Variants in BMERB1 observed in about 807,000 individuals in gnomAD.
The protein encoded by BMERB1 is bMERB domain-containing protein 1.
A neutral mutation model predicts 23.6 loss-of-function variants in BMERB1; 12 were observed. The observed-to-expected ratio is 0.51, with a 90% CI of 0.33 to 0.82. The LOEUF is 0.82. BMERB1 is among the 40% of genes least tolerant of loss of function. The pLI is 0.03. For synonymous variants in BMERB1, 122 were observed against 96.6 expected, an observed-to-expected ratio of 1.26 and a Z score of -1.54; for missense variants, 247 against 255.4, an observed-to-expected ratio of 0.97 and a Z score of 0.22.
intron 3 of BMERB1, among the ~76,000 whole-genome samples, chr16:15,572,556 G>A (rs1198281417): frequency 3.0e-4 from 45 of 152,234 alleles, no homozygotes; most frequent in Admixed American, 2.9e-3. Flanking sequence ...TGCATGGTAT[G>A]TGAATCATAT....
In BMERB1 at chr16:15,533,311, C is replaced by T. The variant is rs114479155; in HGVS notation, c.230+17883C>T. Among the ~76,000 whole-genome samples, 558 of 151,760 alleles carry T rather than the reference C, an allele frequency of 3.7e-3. 1 individual carries two copies. Among genetic ancestry groups the T allele is most frequent in the African/African-American group, 0.013 (527 of 41,342 alleles). ...CTTTTCCATGTCAAGGTTGTTGAAA[C>T]GACGAGAGAAGTCTCAAGGGGCACC... On this transcript the variant is annotated intron_variant, in intron 2 of 5. Coordinates refer to ENST00000300006, the MANE Select transcript of BMERB1 (RefSeq NM_033201.3).
intron 3 of BMERB1, among the ~76,000 whole-genome samples, 192 bp downstream of exon 3, chr16:15,568,248 G>A (rs566737773): frequency 3.3e-5 from 5 of 152,332 alleles, no homozygotes; most frequent in African/African-American, 1.2e-4. Flanking sequence ...TCACCTTCTT[G>A]TCCTTGGACA....
chr16:15,572,978 G>A (rs2030767818), intron 3 of BMERB1, among the ~76,000 whole-genome samples: 1 of 152,142 alleles, frequency 6.6e-6, no homozygotes, highest in South Asian at 2.1e-4. Context: ...CTTCTGCCGT[G>A]ATTGTGAGGC....
chr16:15,544,960 ATTTTC>A (rs1192554587), intron 2 of BMERB1, among the ~76,000 whole-genome samples: 6 of 150,764 alleles, frequency 4.0e-5, no homozygotes, highest in Non-Finnish European at 7.4e-5. Flanking sequence ...ACAAGCCCAA[ATTTTC>A]TTTTCTTTTC....
chr16:15,583,595 A>C (rs1182890688), intron 5 of BMERB1, among the ~76,000 whole-genome samples: 12 of 151,686 alleles, frequency 7.9e-5, no homozygotes, highest in Admixed American at 7.9e-4. Context: ...AAAAAAAAAA[A>C]AAAGGCCATT....
At chr16:15,576,093 C>T (rs1005154776) in intron 3 of BMERB1, among the ~76,000 whole-genome samples, 62 of 148,272 alleles carry the variant, frequency 4.2e-4, no homozygotes, top group African/African-American at 1.5e-3. Context: ...GGCTGGAGTG[C>T]AGTGGCGAGA....
intron 2 of BMERB1, among the ~76,000 whole-genome samples, chr16:15,520,228 G>C (rs2051833533): frequency 6.6e-6 from 1 of 152,114 alleles, no homozygotes; most frequent in Admixed American, 6.5e-5. Context: ...TGTCTCGTGG[G>C]GGCAGAGCCC....
At position 15,587,595 on chromosome 16, in the gene BMERB1, C is replaced by CA. The variant is rs1385370161; in HGVS notation, c.*767dup. ...GGAAGCTCTGATGTCAAGGCCAGAG[C>CA]AGTTGAGAATGGGACCCAGAGTAGA... On this transcript the variant is annotated 3_prime_UTR_variant, in exon 6 of 6. Coordinates refer to ENST00000300006, the MANE Select transcript of BMERB1 (RefSeq NM_033201.3). 8.9e-6 allele frequency: 4 copies of CA among 449,592 alleles called. No homozygotes were observed. The highest frequency in any genetic ancestry group is 1.8e-5 in the Non-Finnish European group (4 of 222,414). 27.9% of individuals were successfully genotyped at this position (449,592 alleles called of 1,614,324 possible). A position where few individuals can be genotyped will look rare whatever the true frequency, so the allele number is the denominator to read the frequency against.
intron 1 of BMERB1, among the ~76,000 whole-genome samples, chr16:15,457,984 G>C (rs184478369): frequency 3.9e-5 from 6 of 152,100 alleles, no homozygotes; most frequent in Non-Finnish European, 7.4e-5. Flanking sequence ...CAGGTCTCTC[G>C]AGAATTCACT....
intron 1 of BMERB1, chr16:15,447,957 A>G (rs879580306): frequency 4.4e-6 from 2 of 454,310 alleles, no homozygotes; most frequent in Non-Finnish European, 8.8e-6. Context: ...TGGCGTGATC[A>G]CGGCTCACTT....
chr16:15,567,857 A>T, intron 2 of BMERB1, 126 bp from the exon 3 acceptor site: 1 of 749,058 alleles, frequency 1.3e-6, no homozygotes, highest in Non-Finnish European at 2.2e-6. Context: ...AACCTCTACA[A>T]TGAGCATGTA....
chr16:15,514,514 G>A (rs1222993061), intron 1 of BMERB1, among the ~76,000 whole-genome samples: 4 of 152,062 alleles, frequency 2.6e-5, no homozygotes, highest in Non-Finnish European at 5.9e-5. Flanking sequence ...TTCCCAGCCA[G>A]GCGTGGTGGC....
At chr16:15,436,880 T>C (rs888081604) in intron 1 of BMERB1, among the ~76,000 whole-genome samples, 10 of 152,112 alleles carry the variant, frequency 6.6e-5, no homozygotes, top group Non-Finnish European at 8.8e-5. Flanking sequence ...CTAAGATTTA[T>C]AAATTTAAAT....
At chr16:15,574,365 G>A (rs1164996294) in intron 3 of BMERB1, among the ~76,000 whole-genome samples, 1 of 152,054 alleles carries the variant, frequency 6.6e-6, no homozygotes, top group Non-Finnish European at 1.5e-5. Flanking sequence ...AAGCCTAACC[G>A]TATCACCTAC....
At chr16:15,510,373 T>C (rs2150948216) in intron 1 of BMERB1, among the ~76,000 whole-genome samples, 2 of 152,280 alleles carry the variant, frequency 1.3e-5, no homozygotes, top group Non-Finnish European at 2.9e-5. Flanking sequence ...GCTGAGCCTT[T>C]GTTTCTTTGC....
In BMERB1 at chr16:15,543,018, C is replaced by T. The variant is rs539575372; in HGVS notation, c.231-24965C>T. Among the ~76,000 whole-genome samples the T allele has an allele frequency of 3.9e-5, 6 of 152,228 alleles. 1 individual carries two copies. In the South Asian group the frequency reaches 1.2e-3, roughly 32 times the overall value. On this transcript the variant is annotated intron_variant, in intron 2 of 5. Coordinates refer to ENST00000300006, the MANE Select transcript of BMERB1 (RefSeq NM_033201.3). ...CCTTTTACACCCTGCCCTCTTGGTACCTGGGTTCTTGTCTGGTGTCCAGGA... is the reference window on the plus strand; with the variant it reads ...CCTTTTACACCCTGCCCTCTTGGTATCTGGGTTCTTGTCTGGTGTCCAGGA...
chr16:15,507,608 T>G (rs1272516860), intron 1 of BMERB1, among the ~76,000 whole-genome samples: 1 of 152,178 alleles, frequency 6.6e-6, no homozygotes, highest in East Asian at 1.9e-4. Context: ...CTCCTCCCGT[T>G]TCTTCCCGTG....
At chr16:15,454,074 G>A (rs1461469847) in intron 1 of BMERB1, among the ~76,000 whole-genome samples, 2 of 152,002 alleles carry the variant, frequency 1.3e-5, no homozygotes, top group East Asian at 1.9e-4. Context: ...TGCTCTCTAG[G>A]GGGGCACCTC....
intron 2 of BMERB1, among the ~76,000 whole-genome samples, chr16:15,539,379 G>A (rs925342813): frequency 2.6e-5 from 4 of 152,072 alleles, no homozygotes; most frequent in Admixed American, 2.0e-4. Flanking sequence ...TCACTCACCC[G>A]CCACTCACCT....
Sources: gnomAD v4.1 joint callset for allele counts (sites outside exome capture counted in the v4.1 genomes callset) on GRCh38, gnomAD v4.1.1 for gene constraint, MANE v1.5 for transcripts, NCBI Gene and HGNC (gene_info 2026-07-23, HGNC 2026-07-21) for gene names.